The following XRCC6 variants were observed in gnomAD, a reference collection of about 807,000 sequenced individuals.
The protein encoded by XRCC6 is DNA repair protein Ku70.
A neutral mutation model predicts 65.7 loss-of-function variants in XRCC6; 5 were observed. That is an observed-to-expected ratio of 0.08 (90% confidence interval 0.04 to 0.16). XRCC6 has a LOEUF of 0.16. XRCC6 is among the 10% of genes least tolerant of loss of function. XRCC6 has a pLI of 1.00. For missense variants in XRCC6, 447 were observed against 738.1 expected (o/e 0.61, Z 4.57); for synonymous variants, 270 against 270.6 (o/e 1.00, Z 0.02).
At chr22:41,649,138 AAAT>A (rs552329064) in intron 7 of XRCC6, among the ~76,000 whole-genome samples, 1,764 of 119,600 alleles carry the variant, frequency 0.015, 44 homozygotes, top group African/African-American at 0.061. Context: ...AAAAAAAAAA[AAAT>A]ATATATATAT....
At chr22:41,650,037 A>G (rs555899859) in intron 7 of XRCC6, among the ~76,000 whole-genome samples, 2 of 152,016 alleles carry the variant, frequency 1.3e-5, no homozygotes, top group East Asian at 3.9e-4. Flanking sequence ...ATAAATAATA[A>G]TAAATAGATA....
chr22:41,652,045 A>T (rs139747518), intron 8 of XRCC6, among the ~76,000 whole-genome samples: 1 of 152,140 alleles, frequency 6.6e-6, no homozygotes, highest in African/African-American at 2.4e-5. Flanking sequence ...CGGCCTCCCA[A>T]AGTGCTGAGA....
intron 11 of XRCC6, among the ~76,000 whole-genome samples, chr22:41,659,857 G>C (rs2068083559): frequency 6.6e-6 from 1 of 151,054 alleles, no homozygotes; most frequent in Non-Finnish European, 1.5e-5. Context: ...GCTGATTTTT[G>C]TATTTTTTGG....
intron 7 of XRCC6, among the ~76,000 whole-genome samples, chr22:41,647,534 T>A (rs1246360397): frequency 6.9e-6 from 1 of 145,562 alleles, no homozygotes; most frequent in Non-Finnish European, 1.5e-5. Flanking sequence ...TGAGCCGAGA[T>A]CACGCCATTG....
chr22:41,629,138 A>T (rs2067712588), intron 3 of XRCC6, among the ~76,000 whole-genome samples: 1 of 152,150 alleles, frequency 6.6e-6, no homozygotes, highest in Non-Finnish European at 1.5e-5. Context: ...ACACCAGCAG[A>T]AAATAAGTGT....
intron 2 of XRCC6, among the ~76,000 whole-genome samples, chr22:41,625,541 T>C (rs187177467): frequency 8.1e-4 from 124 of 152,322 alleles, no homozygotes; most frequent in African/African-American, 2.9e-3. Flanking sequence ...CCAGACATTA[T>C]ATACCTTTTT....
chr22:41,660,915 T>C (rs1172900026), intron 11 of XRCC6, among the ~76,000 whole-genome samples: 1 of 151,894 alleles, frequency 6.6e-6, no homozygotes, highest in Admixed American at 6.6e-5. Flanking sequence ...TCTGTAAAAC[T>C]GGGGACAAAT....
chr22:41,655,228 G>C (rs2068033941), intron 9 of XRCC6, among the ~76,000 whole-genome samples: 1 of 151,970 alleles, frequency 6.6e-6, no homozygotes. Context: ...GAGAGTTCTT[G>C]ACTTTAAGGA....
intron 3 of XRCC6, among the ~76,000 whole-genome samples, chr22:41,632,217 G>C (rs758543542): frequency 6.6e-6 from 1 of 152,164 alleles, no homozygotes; most frequent in Non-Finnish European, 1.5e-5. Flanking sequence ...TGTGTACTTC[G>C]TAGAGAAGAA....
At chr22:41,660,116 C>T (rs531069851) in intron 11 of XRCC6, among the ~76,000 whole-genome samples, 9 of 152,362 alleles carry the variant, frequency 5.9e-5, no homozygotes, top group Non-Finnish European at 1.0e-4. Context: ...ATTGTGCCAT[C>T]TAGGTACACC....
chr22:41,623,730 T>A (rs1228624256), intron 2 of XRCC6, among the ~76,000 whole-genome samples: 1 of 140,748 alleles, frequency 7.1e-6, no homozygotes, highest in Non-Finnish European at 1.5e-5. Context: ...ATACATTTAT[T>A]TATTTATTGA....
intron 8 of XRCC6, among the ~76,000 whole-genome samples, chr22:41,653,040 CTG>C (rs1457007614): frequency 6.6e-6 from 1 of 152,080 alleles, no homozygotes; most frequent in African/African-American, 2.4e-5. Flanking sequence ...ATTTTCCTTT[CTG>C]TGTCTCTGCT....
intron 3 of XRCC6, among the ~76,000 whole-genome samples, chr22:41,634,539 G>T (rs997792147): frequency 1.4e-5 from 2 of 140,632 alleles, no homozygotes; most frequent in African/African-American, 5.6e-5. Flanking sequence ...TAGAACTGAT[G>T]AACTCTCTTT....
At chr22:41,658,434 TC>T in intron 11 of XRCC6, 82 bp downstream of exon 11, 1 of 1,292,920 alleles carries the variant, frequency 7.7e-7, no homozygotes, top group Non-Finnish European at 1.1e-6. Flanking sequence ...TGGGTGCATT[TC>T]CCAGTCCTCT....
Position 41,637,599 on chromosome 22 carries a change from T to A in XRCC6, c.590-9T>A. The A allele has an allele frequency of 6.4e-7, 1 of 1,569,784 alleles. No individual in the cohort carries two copies. Among genetic ancestry groups the A allele is most frequent in the Non-Finnish European group, 8.6e-7 (1 of 1,157,398 alleles). On this transcript the variant is annotated splice_polypyrimidine_tract_variant and intron_variant, in intron 5 of 12. Transcript: ENST00000360079. ...TTTCCTCCCTCACTTTTGTTTACCCTTGCAACAGGCATCTTCCTTGACTTG... is the reference window on the plus strand; with the variant it reads ...TTTCCTCCCTCACTTTTGTTTACCCATGCAACAGGCATCTTCCTTGACTTG...
intron 11 of XRCC6, 31 bp from the exon 12 acceptor site, chr22:41,661,300 C>G: frequency 6.3e-7 from 1 of 1,593,484 alleles, no homozygotes; most frequent in African/African-American, 1.3e-5. Flanking sequence ...CGTGACTCAC[C>G]AGGCCACTCT....
Position 41,637,668 on chromosome 22 carries a change from A to G in XRCC6, c.650A>G (p.Tyr217Cys). 1 of 1,612,388 alleles carries G rather than the reference A, an allele frequency of 6.2e-7. No individual in the cohort carries two copies. The highest frequency in any genetic ancestry group is 8.5e-7 in the Non-Finnish European group (1 of 1,179,426). ...GGGGGCTTTGACATATCCTTGTTCTACAGAGATATCATCAGCATAGCAGAG... is the reference window on the plus strand; with the variant it reads ...GGGGGCTTTGACATATCCTTGTTCTGCAGAGATATCATCAGCATAGCAGAG... ...KPGGFDISLF[Y>C]RDIISIAEDE... The change falls in exon 6 of 13, where the codon TAC becomes TGC. Residue 217 changes from tyrosine to cysteine, a missense_variant. Tyr to Cys is a radical substitution (Grantham distance 194). Transcript: ENST00000360079.
chr22:41,624,382 T>TA (rs1345670230), intron 2 of XRCC6, among the ~76,000 whole-genome samples: 1 of 150,964 alleles, frequency 6.6e-6, no homozygotes, highest in Admixed American at 6.6e-5. Flanking sequence ...AGTGAAACTC[T>TA]ATCTCAAAAA....
chr22:41,623,299 A>C (rs1235383317), intron 2 of XRCC6, among the ~76,000 whole-genome samples: 1 of 151,990 alleles, frequency 6.6e-6, no homozygotes, highest in African/African-American at 2.4e-5. Context: ...CTGGTCTCAA[A>C]CTCTTGGCCT....
Sources: allele counts gnomAD v4.1 joint callset (sites outside exome capture counted in the v4.1 genomes callset), GRCh38; gene constraint gnomAD v4.1.1; transcripts MANE v1.5; gene names NCBI Gene and HGNC (gene_info 2026-07-23, HGNC 2026-07-21).